CFAP58: variants seen among roughly 807,000 people sequenced by gnomAD.
CFAP58 encodes the protein cilia and flagella associated protein 58.
CFAP58 carries 88 observed loss-of-function variants against 119.5 expected under a neutral mutation model. The ratio of observed to expected loss-of-function variants is 0.74; its 90% CI spans 0.62 to 0.88. The LOEUF is 0.88. Ranked by LOEUF, CFAP58 falls within the 40% of genes least tolerant of loss-of-function variation. CFAP58 has a pLI of 0.00. For missense variants in CFAP58, 990 were observed against 1,021.2 expected (o/e 0.97, Z 0.42); for synonymous variants, 365 against 366.3 (o/e 1.00, Z 0.04).
At chr10:104,396,943 A>G (rs553252047) in intron 11 of CFAP58, among the ~76,000 whole-genome samples, 1 of 152,350 alleles carries the variant, frequency 6.6e-6, no homozygotes, top group Non-Finnish European at 1.5e-5. Context: ...CCATAAATTT[A>G]TGACATAAGG....
chr10:104,399,459 G>C lies in CFAP58; in HGVS notation c.1774G>C (p.Ala592Pro). 1 of 1,613,832 alleles carries C rather than the reference G, an allele frequency of 6.2e-7. No individual in the cohort carries two copies. Among genetic ancestry groups the C allele is most frequent in the Non-Finnish European group, 8.5e-7 (1 of 1,179,888 alleles). Residue 592 changes from alanine to proline, a missense_variant, in exon 12 of 18, where the codon GCT becomes CCT. Coordinates refer to ENST00000369704, the MANE Select transcript of CFAP58 (RefSeq NM_001008723.2). ...AAAACTCCTGCGAATAATTGCTGAG[G>C]CTGACGGGGAGAGGTTGAGACAGAA... ...ERKLLRIIAE[A>P]DGERLRQKKE...
chr10:104,444,696 T>C (rs966211289), intron 15 of CFAP58, among the ~76,000 whole-genome samples: 1 of 152,134 alleles, frequency 6.6e-6, no homozygotes, highest in Non-Finnish European at 1.5e-5. Flanking sequence ...ATCAGACAGG[T>C]TTTCCACTGT....
chr10:104,363,750 A>G (rs1015633009), intron 3 of CFAP58, among the ~76,000 whole-genome samples: 3 of 152,236 alleles, frequency 2.0e-5, no homozygotes, highest in African/African-American at 7.2e-5. Flanking sequence ...CTTATTAAAC[A>G]TTTGTTACAT....
At chr10:104,376,777 C>T (rs377719028) in intron 7 of CFAP58, 34 bp from the exon 8 acceptor site, 217 of 1,554,182 alleles carry the variant, frequency 1.4e-4, no homozygotes, top group Non-Finnish European at 1.7e-4. Context: ...GTCGACTCTA[C>T]GTTTATTATT....
chr10:104,441,846 A>G (rs1181294579), intron 15 of CFAP58, among the ~76,000 whole-genome samples: 3 of 152,182 alleles, frequency 2.0e-5, no homozygotes, highest in Non-Finnish European at 4.4e-5. Flanking sequence ...TTACTACTTC[A>G]TGACATCATA....
intron 15 of CFAP58, among the ~76,000 whole-genome samples, chr10:104,437,083 C>G (rs902719464): frequency 8.5e-5 from 13 of 152,194 alleles, no homozygotes; most frequent in African/African-American, 3.1e-4. Context: ...GGCTCTAACA[C>G]TTTCTAGTTG....
At chr10:104,424,263 C>G (rs553341693) in intron 15 of CFAP58, among the ~76,000 whole-genome samples, 1 of 152,288 alleles carries the variant, frequency 6.6e-6, no homozygotes, top group African/African-American at 2.4e-5. Flanking sequence ...GGTGCCAAAT[C>G]TGTAGCATAT....
the CFAP58 span, among the ~76,000 whole-genome samples, chr10:104,347,485 G>C: frequency 2.3e-3 from 356 of 152,196 alleles, 1 homozygote; most frequent in Non-Finnish European, 4.1e-3. Flanking sequence ...GCTGATAAAT[G>C]ATAACAATTT....
At chr10:104,438,348 G>T (rs201454572) in intron 15 of CFAP58, among the ~76,000 whole-genome samples, 475 of 36,582 alleles carry the variant, frequency 0.013, 8 homozygotes, top group African/African-American at 0.033. Context: ...TTTGTTTTTT[G>T]TTTTTTTTTT....
At chr10:104,392,897 T>C (rs2012077363) in intron 10 of CFAP58, among the ~76,000 whole-genome samples, 1 of 152,178 alleles carries the variant, frequency 6.6e-6, no homozygotes, top group African/African-American at 2.4e-5. Flanking sequence ...TGCCTTGGCC[T>C]CCCAAAGTGC....
intron 8 of CFAP58, among the ~76,000 whole-genome samples, chr10:104,379,670 A>G (rs1244919058): frequency 6.6e-6 from 1 of 152,222 alleles, no homozygotes; most frequent in Non-Finnish European, 1.5e-5. Flanking sequence ...GGTTAAAGGC[A>G]TGGACTCTGG....
upstream of CFAP58, chr10:104,353,506 A>G (rs578157600): frequency 4.5e-4 from 97 of 215,782 alleles, 1 homozygote; most frequent in Non-Finnish European, 7.2e-4. Context: ...CCCTAGTGTC[A>G]CACACCGTCC....
At chr10:104,360,724 A>G (rs2014655768) in intron 2 of CFAP58, among the ~76,000 whole-genome samples, 5 of 152,102 alleles carry the variant, frequency 3.3e-5, no homozygotes, top group Admixed American at 3.3e-4. Flanking sequence ...ATAAGTGAGA[A>G]CATGTGGTAT....
rs147595775 is a variant in CFAP58 at position 104,371,043 on chromosome 10, G to A, written c.1079G>A (p.Gly360Glu). ...GAAACCCTAAAAAATCAGATTGTGG[G>A]ATTAGAGAGAGGTAAACCATTTTGC... ...HKETLKNQIV[G>E]LEREVEASKK... The change falls in exon 7 of 18, where the codon GGA becomes GAA. Residue 360 changes from glycine to glutamate, a missense_variant. Transcript: ENST00000369704. 2,561 of 1,606,780 alleles carry A rather than the reference G, an allele frequency of 1.6e-3. 40 individuals are homozygous for A. In the East Asian group the frequency reaches 0.026, roughly 16 times the overall value.
intron 14 of CFAP58, among the ~76,000 whole-genome samples, chr10:104,404,985 A>T (rs949232760): frequency 2.0e-5 from 3 of 152,162 alleles, no homozygotes. Flanking sequence ...AAAAAACAAA[A>T]ATTCCTTTAT....
At chr10:104,430,450 C>T (rs1004718350) in intron 15 of CFAP58, among the ~76,000 whole-genome samples, 12 of 152,230 alleles carry the variant, frequency 7.9e-5, no homozygotes, top group African/African-American at 2.9e-4. Flanking sequence ...TTCTCACTTA[C>T]AGTCTTCTTT....
chr10:104,348,978 G>A (rs141410797), upstream of CFAP58, among the ~76,000 whole-genome samples: 366 of 152,296 alleles, frequency 2.4e-3, 3 homozygotes, highest in African/African-American at 7.7e-3. Context: ...CAGGTGTGGT[G>A]GCTCACACCT....
chr10:104,370,231 C>A (rs112096428), intron 6 of CFAP58, among the ~76,000 whole-genome samples: 10 of 152,256 alleles, frequency 6.6e-5, no homozygotes, highest in African/African-American at 2.2e-4. Flanking sequence ...ATTTTTGATA[C>A]GTACAACTTA....
chr10:104,359,251 A>G (rs1397508360), intron 2 of CFAP58, among the ~76,000 whole-genome samples: 2 of 152,258 alleles, frequency 1.3e-5, no homozygotes, highest in Non-Finnish European at 2.9e-5. Flanking sequence ...TTGAAACATA[A>G]TTAAAACCCT....
Sources: allele counts gnomAD v4.1 joint callset (sites outside exome capture counted in the v4.1 genomes callset), GRCh38; gene constraint gnomAD v4.1.1; transcripts MANE v1.5; gene names NCBI Gene and HGNC (gene_info 2026-07-23, HGNC 2026-07-21).